BMP5: variants seen among roughly 807,000 people sequenced by gnomAD.
The protein encoded by BMP5 is bone morphogenetic protein 5.
BMP5 carries 23 observed loss-of-function variants against 46.6 expected under a neutral mutation model. That is an observed-to-expected ratio of 0.49 (90% CI 0.35 to 0.70). The LOEUF (loss-of-function observed/expected upper bound fraction) is 0.70, where lower values mean the gene tolerates loss of function less well. BMP5 is among the 30% of genes least tolerant of loss of function. BMP5 has a pLI of 0.00. For synonymous variants in BMP5, 204 were observed against 191.9 expected (o/e 1.06, Z -0.52); for missense variants, 545 against 565.6 (o/e 0.96, Z 0.37).
At chr6:55,763,836 A>C (rs887568706) in intron 4 of BMP5, among the ~76,000 whole-genome samples, 1 of 152,206 alleles carries the variant, frequency 6.6e-6, no homozygotes, top group African/African-American at 2.4e-5. Context: ...TAAATACTTT[A>C]TGCAAATTTC....
intron 6 of BMP5, among the ~76,000 whole-genome samples, chr6:55,757,323 A>C (rs1397314439): frequency 6.6e-6 from 1 of 151,962 alleles, no homozygotes; most frequent in Admixed American, 6.6e-5. Flanking sequence ...AAAAGAGGCA[A>C]AGAATTTTCT....
chr6:55,774,951 T>C (rs905496974), intron 3 of BMP5, among the ~76,000 whole-genome samples: 1 of 151,994 alleles, frequency 6.6e-6, no homozygotes. Flanking sequence ...CCTTCTGAGT[T>C]TTGACACACC....
At chr6:55,817,481 C>A (rs1213104392) in intron 2 of BMP5, among the ~76,000 whole-genome samples, 1 of 151,922 alleles carries the variant, frequency 6.6e-6, no homozygotes, top group Non-Finnish European at 1.5e-5. Flanking sequence ...ACCATCATTC[C>A]CAGCAAACTA....
chr6:55,809,346 A>G (rs983208991), intron 2 of BMP5, among the ~76,000 whole-genome samples: 9 of 152,162 alleles, frequency 5.9e-5, no homozygotes, highest in Admixed American at 5.2e-4. Flanking sequence ...TTACAAATGT[A>G]AAAGTTATTT....
intron 3 of BMP5, among the ~76,000 whole-genome samples, chr6:55,792,332 G>T (rs1387547744): frequency 1.3e-5 from 2 of 152,106 alleles, no homozygotes; most frequent in African/African-American, 4.8e-5. Context: ...AGGAGATCGA[G>T]ACCATCCTGG....
intron 2 of BMP5, among the ~76,000 whole-genome samples, chr6:55,806,145 T>C (rs1775983083): frequency 6.6e-6 from 1 of 152,230 alleles, no homozygotes; most frequent in Non-Finnish European, 1.5e-5. Context: ...TATTTGCCCA[T>C]GCCTATGTCC....
rs1404912392 is a variant in BMP5, at chr6:55,754,072, C to T, written c.*1461G>A. The T allele has an allele frequency of 4.0e-5, 6 of 151,826 alleles. No homozygotes were observed. Among genetic ancestry groups the T allele is most frequent in the African/African-American group, 1.2e-4 (5 of 41,388 alleles). 9.4% of individuals were successfully genotyped at this position (151,826 alleles called of 1,614,324 possible). A position where few individuals can be genotyped will look rare whatever the true frequency, so the allele number is the denominator to read the frequency against. On this transcript the variant is annotated 3_prime_UTR_variant, in exon 7 of 7. Coordinates refer to ENST00000370830, the MANE Select transcript of BMP5 (RefSeq NM_021073.4). ...ACCCGAATTACAAACAAAGCCATAA[C>T]ATTTTTGAAGACATTTTTGGTATAC... is the stretch of plus-strand genomic sequence containing the variant.
At chr6:55,870,753 T>C (rs557976613) in intron 1 of BMP5, among the ~76,000 whole-genome samples, 2 of 152,244 alleles carry the variant, frequency 1.3e-5, no homozygotes, top group South Asian at 2.1e-4. Flanking sequence ...GAGAACTTAA[T>C]GATTAGGGTA....
intron 3 of BMP5, among the ~76,000 whole-genome samples, chr6:55,777,291 TA>T: frequency 6.6e-6 from 1 of 151,986 alleles, no homozygotes; most frequent in East Asian, 1.9e-4. Flanking sequence ...AAATTCTTTA[TA>T]AAACTTTATT....
intron 2 of BMP5, among the ~76,000 whole-genome samples, chr6:55,818,379 A>T (rs1394563157): frequency 6.6e-6 from 1 of 152,066 alleles, no homozygotes; most frequent in East Asian, 1.9e-4. Context: ...CTGGCTCTCA[A>T]ATATAATCAC....
intron 3 of BMP5, among the ~76,000 whole-genome samples, chr6:55,780,477 AGAAAG>A (rs1562034464): frequency 0.014 from 1,906 of 138,102 alleles, 100 homozygotes; most frequent in African/African-American, 0.051. Context: ...AAAAAAAGAA[AGAAAG>A]AAAGAAAGAA....
At chr6:55,835,102 T>A (rs1010114091) in intron 1 of BMP5, among the ~76,000 whole-genome samples, 2 of 150,168 alleles carry the variant, frequency 1.3e-5, no homozygotes, top group African/African-American at 2.5e-5. Context: ...AAAAAAAAAA[T>A]TATATGTGGA....
chr6:55,811,384 A>G (rs1200769638), intron 2 of BMP5, among the ~76,000 whole-genome samples: 2 of 152,204 alleles, frequency 1.3e-5, no homozygotes, highest in Non-Finnish European at 2.9e-5. Flanking sequence ...TTGATTCTAC[A>G]TAGCACATTT....
chr6:55,857,835 C>T (rs765941420), intron 1 of BMP5, among the ~76,000 whole-genome samples: 2 of 151,714 alleles, frequency 1.3e-5, no homozygotes, highest in African/African-American at 2.4e-5. Context: ...ACCTCCCAGG[C>T]TCAAGCGATT....
At chr6:55,815,976 A>G (rs1003299689) in intron 2 of BMP5, among the ~76,000 whole-genome samples, 1 of 152,118 alleles carries the variant, frequency 6.6e-6, no homozygotes, top group African/African-American at 2.4e-5. Flanking sequence ...AGCAGACAGA[A>G]CAGTGGGCAT....
chr6:55,760,845 G>T (rs1476046863), intron 4 of BMP5, among the ~76,000 whole-genome samples: 1 of 151,844 alleles, frequency 6.6e-6, no homozygotes, highest in African/African-American at 2.4e-5. Context: ...TCTGCTCAAT[G>T]AATACTTATT....
At chr6:55,788,038 G>C (rs1014083058) in intron 3 of BMP5, among the ~76,000 whole-genome samples, 3 of 151,454 alleles carry the variant, frequency 2.0e-5, no homozygotes, top group Admixed American at 1.3e-4. Flanking sequence ...TGTGTTCTAT[G>C]AACATTAAAA....
intron 2 of BMP5, among the ~76,000 whole-genome samples, chr6:55,797,696 A>G (rs1775750467): frequency 6.8e-6 from 1 of 148,044 alleles, no homozygotes; most frequent in Non-Finnish European, 1.5e-5. Context: ...AGCTCACTGC[A>G]AGATCCACCT....
intron 1 of BMP5, among the ~76,000 whole-genome samples, chr6:55,855,843 G>C (rs1246477407): frequency 6.6e-6 from 1 of 151,736 alleles, no homozygotes; most frequent in Admixed American, 6.6e-5. Context: ...TCTTAATATA[G>C]CTGTTTATTT....
Sources: gnomAD v4.1 joint callset for allele counts (sites outside exome capture counted in the v4.1 genomes callset) on GRCh38, gnomAD v4.1.1 for gene constraint, MANE v1.5 for transcripts, NCBI Gene and HGNC (gene_info 2026-07-23, HGNC 2026-07-21) for gene names.